Variants in MECOM observed in about 807,000 individuals in gnomAD.
MECOM encodes the protein MDS1 and EVI1 complex locus, also known as histone-lysine N-methyltransferase MECOM.
In MECOM, 13 loss-of-function variants were observed where a neutral mutation model predicts 116.3. The observed-to-expected ratio is 0.11, with a 90% CI of 0.07 to 0.18. The LOEUF is 0.18. Ranked by LOEUF, MECOM falls within the 10% of genes least tolerant of loss-of-function variation. The pLI is 1.00. For missense variants in MECOM, 1,299 were observed against 1,509.0 expected (o/e 0.86, Z 2.31); for synonymous variants, 528 against 535.2 (o/e 0.99, Z 0.19).
intron 1 of MECOM, among the ~76,000 whole-genome samples, chr3:169,649,102 A>G (rs1172268016): frequency 6.6e-6 from 1 of 152,196 alleles, no homozygotes; most frequent in Admixed American, 6.5e-5. Context: ...TACATCCTAC[A>G]TCTTACTCAG....
At chr3:169,140,866 A>C (rs1737886572) in intron 3 of MECOM, among the ~76,000 whole-genome samples, 1 of 152,136 alleles carries the variant, frequency 6.6e-6, no homozygotes, top group African/African-American at 2.4e-5. Flanking sequence ...TTTACTTAAA[A>C]ACCAAAATCC....
intron 8 of MECOM, among the ~76,000 whole-genome samples, chr3:169,113,761 T>C (rs1158307735): frequency 6.6e-6 from 1 of 152,168 alleles, no homozygotes. Context: ...CTACCACTTA[T>C]TGATATTATA....
chr3:169,332,536 T>C (rs1339434849), intron 2 of MECOM, among the ~76,000 whole-genome samples: 3 of 152,072 alleles, frequency 2.0e-5, no homozygotes, highest in Non-Finnish European at 2.9e-5. Flanking sequence ...GGATATAACA[T>C]GTATAAAATT....
intron 2 of MECOM, among the ~76,000 whole-genome samples, chr3:169,238,174 CAAAAAA>C (rs869078937): frequency 6.2e-4 from 45 of 72,078 alleles, no homozygotes; most frequent in African/African-American, 1.8e-3. Flanking sequence ...GACTCCATCT[CAAAAAA>C]AAAAAAAAAA....
intron 2 of MECOM, among the ~76,000 whole-genome samples, chr3:169,290,331 TA>T (rs1283634320): frequency 6.6e-6 from 1 of 152,202 alleles, no homozygotes; most frequent in African/African-American, 2.4e-5. Flanking sequence ...AATCATTTTT[TA>T]AAAAGTCAAC....
At position 169,103,031 on chromosome 3, in the gene MECOM, T is replaced by C. The variant is rs181857874; in HGVS notation, c.2605-805A>G. Among the ~76,000 whole-genome samples the C allele has an allele frequency of 2.0e-5, 3 of 151,280 alleles. No homozygotes were observed. In the East Asian group the frequency reaches 5.9e-4, roughly 30 times the overall value. On this transcript the variant is annotated intron_variant, in intron 10 of 16. Coordinates refer to ENST00000651503, the MANE Select transcript of MECOM (RefSeq NM_004991.4). ...TTCTTCCCCTCTAGTAATCTAATTT[T>C]TGTTGTTTATAATCTTCAAGTTTTT...
At chr3:169,563,345 C>T (rs78570582) in intron 1 of MECOM, among the ~76,000 whole-genome samples, 10 of 152,142 alleles carry the variant, frequency 6.6e-5, no homozygotes, top group African/African-American at 2.2e-4. Flanking sequence ...AACTGGCCTG[C>T]GCCATCTCCA....
At chr3:169,474,762 T>C (rs1254213475) in intron 1 of MECOM, among the ~76,000 whole-genome samples, 1 of 152,106 alleles carries the variant, frequency 6.6e-6, no homozygotes, top group East Asian at 1.9e-4. Flanking sequence ...GATTAATATT[T>C]GCCCCCAGAA....
At chr3:169,375,722 A>G (rs770454805) in intron 2 of MECOM, among the ~76,000 whole-genome samples, 2 of 152,084 alleles carry the variant, frequency 1.3e-5, no homozygotes, top group African/African-American at 2.4e-5. Context: ...AGGACCAGAC[A>G]GATTCACAGG....
At chr3:169,093,624 A>T (rs1428440909) in intron 13 of MECOM, among the ~76,000 whole-genome samples, 2 of 152,182 alleles carry the variant, frequency 1.3e-5, no homozygotes, top group African/African-American at 4.8e-5. Flanking sequence ...AGAACACTCC[A>T]GTCCAGGGGT....
Position 169,450,437 on chromosome 3 carries a change from C to T in MECOM, c.38-68913G>A, listed in dbSNP as rs185745152. Reference sequence around the variant, plus strand: ...GTTCCTTGCAGGTGAGACAAATAGGCCCCTGCTGCCTCCAAGCAAATCTTG... The same window carrying T: ...GTTCCTTGCAGGTGAGACAAATAGGTCCCTGCTGCCTCCAAGCAAATCTTG... On this transcript the variant is annotated intron_variant, in intron 1 of 16. Transcript: ENST00000651503. 1.3e-4 allele frequency among the ~76,000 whole-genome samples: 20 copies of T among 152,158 alleles called. No homozygotes were observed. In the East Asian group the frequency reaches 3.1e-3, roughly 24 times the overall value.
chr3:169,146,539 G>A, intron 2 of MECOM: 1 of 1,378,048 alleles, frequency 7.3e-7, no homozygotes. Flanking sequence ...GGAGGAACAA[G>A]GAAATCGCCC....
intron 1 of MECOM, among the ~76,000 whole-genome samples, chr3:169,643,072 C>A (rs898913005): frequency 1.3e-5 from 2 of 152,222 alleles, no homozygotes; most frequent in African/African-American, 4.8e-5. Flanking sequence ...GTTACTGCAA[C>A]TGGTCAATTA....
intron 1 of MECOM, among the ~76,000 whole-genome samples, chr3:169,582,431 C>T (rs1344555): frequency 0.23 from 35,096 of 151,772 alleles, 4,892 homozygotes; most frequent in East Asian, 0.69. Context: ...TGGGGAAAAA[C>T]GGGAAAATGA....
At chr3:169,432,263 A>G (rs1306046532) in intron 1 of MECOM, among the ~76,000 whole-genome samples, 4 of 151,648 alleles carry the variant, frequency 2.6e-5, no homozygotes, top group African/African-American at 9.7e-5. Context: ...GGTTCAGGTG[A>G]TTCTCCTGCC....
At chr3:169,614,264 T>A (rs1481836188) in intron 1 of MECOM, among the ~76,000 whole-genome samples, 1 of 151,764 alleles carries the variant, frequency 6.6e-6, no homozygotes, top group Non-Finnish European at 1.5e-5. Flanking sequence ...AAATACTAGA[T>A]CACTGAGGAT....
At chr3:169,089,874 G>A in intron 15 of MECOM, 126 bp downstream of exon 15, 1 of 1,405,874 alleles carries the variant, frequency 7.1e-7, no homozygotes. Flanking sequence ...GATCCACCAT[G>A]TATCCCTTAC....
chr3:169,335,797 T>C (rs1723495687), intron 2 of MECOM, among the ~76,000 whole-genome samples: 1 of 152,164 alleles, frequency 6.6e-6, no homozygotes, highest in Non-Finnish European at 1.5e-5. Flanking sequence ...AATTCATGCT[T>C]GCATTTGATT....
intron 1 of MECOM, among the ~76,000 whole-genome samples, chr3:169,413,484 T>C (rs1338708043): frequency 4.7e-5 from 2 of 42,460 alleles, no homozygotes; most frequent in African/African-American, 2.7e-4. Context: ...TTTTGTTTTT[T>C]TTTTTATTTT....
Sources: gnomAD v4.1 joint callset for allele counts (sites outside exome capture counted in the v4.1 genomes callset) on GRCh38, gnomAD v4.1.1 for gene constraint, MANE v1.5 for transcripts, NCBI Gene and HGNC (gene_info 2026-07-23, HGNC 2026-07-21) for gene names.